EFCAB6: variants seen among roughly 807,000 people sequenced by gnomAD.
EFCAB6 encodes the protein EF-hand calcium binding domain 6, also known as EF-hand calcium-binding domain-containing protein 6.
A neutral mutation model predicts 169.8 loss-of-function variants in EFCAB6; 156 were observed. The observed-to-expected ratio is 0.92, with a 90% CI of 0.81 to 1.05. The LOEUF is 1.05. Ranked by LOEUF, EFCAB6 falls within the 50% of genes least tolerant of loss-of-function variation. The pLI, the probability that EFCAB6 is intolerant of heterozygous loss-of-function variation, is 0.00. For synonymous variants in EFCAB6, 698 were observed against 676.4 expected (o/e 1.03, Z -0.50); for missense variants, 1,800 against 1,829.1 (o/e 0.98, Z 0.29).
chr22:43,738,204 TCA>T (rs762102271), intron 6 of EFCAB6, among the ~76,000 whole-genome samples: 1 of 128,776 alleles, frequency 7.8e-6, no homozygotes, highest in Non-Finnish European at 1.7e-5. Context: ...ATACTCAAAC[TCA>T]CACACGTGCA....
intron 8 of EFCAB6, among the ~76,000 whole-genome samples, chr22:43,730,816 C>G (rs1164125064): frequency 6.6e-6 from 1 of 152,190 alleles, no homozygotes; most frequent in Non-Finnish European, 1.5e-5. Flanking sequence ...GCTTCGAAAA[C>G]TAGAGCACTG....
At chr22:43,653,212 A>ACAAGAAGAACTGCAGACTC (rs765119995) in intron 17 of EFCAB6, among the ~76,000 whole-genome samples, 51 of 152,342 alleles carry the variant, frequency 3.3e-4, no homozygotes, top group Non-Finnish European at 6.6e-4. Flanking sequence ...ACCTACAGAT[A>ACAAGAAGAACTGCAGACTC]CAAGAAGAAC....
chr22:43,551,018 C>T (rs868172773), intron 27 of EFCAB6, among the ~76,000 whole-genome samples: 17 of 152,240 alleles, frequency 1.1e-4, no homozygotes, highest in African/African-American at 3.6e-4. Context: ...CCCTCACGTT[C>T]GTGACTGTTG....
intron 17 of EFCAB6, among the ~76,000 whole-genome samples, chr22:43,647,955 A>C (rs1285999743): frequency 6.6e-6 from 1 of 152,164 alleles, no homozygotes; most frequent in Non-Finnish European, 1.5e-5. Flanking sequence ...GAACTGTGAA[A>C]AAATACATTT....
At chr22:43,732,076 C>A (rs187912939) in intron 7 of EFCAB6, among the ~76,000 whole-genome samples, 1 of 152,104 alleles carries the variant, frequency 6.6e-6, no homozygotes. Context: ...TTGAAGAATA[C>A]CCCAACCTAG....
chr22:43,644,181 C>T (rs763243251), intron 17 of EFCAB6, among the ~76,000 whole-genome samples: 12 of 152,084 alleles, frequency 7.9e-5, no homozygotes, highest in East Asian at 1.9e-4. Context: ...GATTCACTCT[C>T]GTGACCAAAC....
chr22:43,747,887 A>T (rs916093297), intron 6 of EFCAB6, among the ~76,000 whole-genome samples: 3 of 152,196 alleles, frequency 2.0e-5, no homozygotes, highest in African/African-American at 4.8e-5. Context: ...AGTATGAGCA[A>T]CTTGTATCAC....
chr22:43,765,199 C>T (rs1603346834), intron 5 of EFCAB6, 106 bp downstream of exon 5: 1 of 772,336 alleles, frequency 1.3e-6, no homozygotes, highest in African/African-American at 1.7e-5. Context: ...ACAAACTCAT[C>T]TTCCATATAT....
At position 43,642,004 on chromosome 22, in the gene EFCAB6, A is replaced by C. The variant is rs558535570; in HGVS notation, c.1984-6788T>G. 8.5e-5 allele frequency among the ~76,000 whole-genome samples: 13 copies of C among 152,196 alleles called. No homozygotes were observed. The South Asian group carries it at 2.3e-3, about 27-fold the overall frequency. ...TGCCCAGTCTGAAGTGCAATGGCAC[A>C]ATCTTGGCTCACCACAACCTCCGCC... On this transcript the variant is annotated intron_variant, in intron 17 of 31. Coordinates refer to ENST00000262726, the MANE Select transcript of EFCAB6 (RefSeq NM_022785.4).
At chr22:43,763,945 T>C (rs2061245787) in intron 5 of EFCAB6, among the ~76,000 whole-genome samples, 1 of 152,070 alleles carries the variant, frequency 6.6e-6, no homozygotes, top group African/African-American at 2.4e-5. Context: ...AAGTTTTTTG[T>C]AGAGATGAGA....
chr22:43,632,048 C>A, intron 19 of EFCAB6, 57 bp downstream of exon 19: 2 of 1,591,936 alleles, frequency 1.3e-6, no homozygotes, highest in South Asian at 1.1e-5. Flanking sequence ...ACTTGGGCTG[C>A]GTGGTTGGGA....
chr22:43,660,599 T>C (rs866587382), intron 17 of EFCAB6, among the ~76,000 whole-genome samples: 2 of 151,934 alleles, frequency 1.3e-5, no homozygotes, highest in South Asian at 2.1e-4. Context: ...CCCTTATAGA[T>C]AGGTATGGCC....
chr22:43,592,800 A>G (rs551530845), intron 23 of EFCAB6, among the ~76,000 whole-genome samples: 38 of 152,306 alleles, frequency 2.5e-4, no homozygotes, highest in African/African-American at 8.2e-4. Context: ...TTTTCGAACG[A>G]GCCCGTGTTA....
At chr22:43,598,503 A>T (rs1429800245) in intron 23 of EFCAB6, among the ~76,000 whole-genome samples, 1 of 152,118 alleles carries the variant, frequency 6.6e-6, no homozygotes, top group Non-Finnish European at 1.5e-5. Flanking sequence ...TTGATAGTAC[A>T]GTAGGGAAAT....
At chr22:43,529,982 GCTAGATGGCCCAGAGGTC>G (rs2046961133) in intron 31 of EFCAB6, among the ~76,000 whole-genome samples, 1 of 152,202 alleles carries the variant, frequency 6.6e-6, no homozygotes, top group African/African-American at 2.4e-5. Context: ...GGAAAGCAGG[GCTAGATGGCCCAGAGGTC>G]CTATGGGGCT....
At chr22:43,705,668 G>T (rs2147316473) in intron 10 of EFCAB6, among the ~76,000 whole-genome samples, 1 of 152,022 alleles carries the variant, frequency 6.6e-6, no homozygotes, top group East Asian at 1.9e-4. Flanking sequence ...AAATTAAAGT[G>T]GAAAATTTAA....
intron 10 of EFCAB6, among the ~76,000 whole-genome samples, chr22:43,691,823 T>C (rs1476798052): frequency 1.3e-5 from 2 of 152,120 alleles, no homozygotes; most frequent in Admixed American, 6.5e-5. Flanking sequence ...AATCTGGACA[T>C]AATTATCAAG....
intron 24 of EFCAB6, among the ~76,000 whole-genome samples, chr22:43,582,690 C>A (rs1183613854): frequency 1.3e-5 from 2 of 151,860 alleles, no homozygotes; most frequent in African/African-American, 4.8e-5. Context: ...AGACCTAGAG[C>A]AGGAAAATGT....
rs554822838 is a variant in EFCAB6 at position 43,653,345 on chromosome 22, C to T, written c.1983+13759G>A. Among the ~76,000 whole-genome samples the T allele has an allele frequency of 4.6e-5, 7 of 152,130 alleles. No homozygotes were observed. In the South Asian group the frequency reaches 8.3e-4, roughly 18 times the overall value. ...CTAGAGAAAAAAAAGACACATTATACCCAATAAGATACATGGTTGATTTAT... is the reference window on the plus strand; with the variant it reads ...CTAGAGAAAAAAAAGACACATTATATCCAATAAGATACATGGTTGATTTAT... On this transcript the variant is annotated intron_variant, in intron 17 of 31. Coordinates refer to ENST00000262726, the MANE Select transcript of EFCAB6 (RefSeq NM_022785.4).
Sources: gnomAD v4.1 joint callset for allele counts (sites outside exome capture counted in the v4.1 genomes callset) on GRCh38, gnomAD v4.1.1 for gene constraint, MANE v1.5 for transcripts, NCBI Gene and HGNC (gene_info 2026-07-23, HGNC 2026-07-21) for gene names.